Variants in BAP1 observed in about 807,000 individuals in gnomAD.
The protein encoded by BAP1 is ubiquitin carboxyl-terminal hydrolase BAP1.
In BAP1, 16 loss-of-function variants were observed where a neutral mutation model predicts 77.2. The ratio of observed to expected loss-of-function variants is 0.21; its 90% CI spans 0.14 to 0.31. BAP1 has a LOEUF of 0.31. BAP1 is among the 10% of genes least tolerant of loss of function. The probability of loss-of-function intolerance (pLI) is 1.00; values close to 1 mark genes in which losing one functional copy is unlikely to be tolerated. For missense variants in BAP1, 699 were observed against 967.3 expected (o/e 0.72, Z 3.68); for synonymous variants, 362 against 385.2 (o/e 0.94, Z 0.71).
In BAP1 at chr3:52,402,937, G is replaced by A. The variant is rs1705014202; in HGVS notation, c.1891-66C>T. On this transcript the variant is annotated intron_variant, in intron 14 of 16. Coordinates refer to ENST00000460680, the MANE Select transcript of BAP1 (RefSeq NM_004656.4). This position sits in a 1 kb window ranked among gnomAD's most constrained non-coding sequence, Gnocchi z 5.3. ...AGCAACAAAGCCCCACGAGCAATAG[G>A]CAGCTAGAGGCAAGGATGAGCAGCG... 2 of 1,611,186 alleles carry A rather than the reference G, an allele frequency of 1.2e-6. No individual in the cohort carries two copies. The highest frequency in any genetic ancestry group is 1.7e-6 in the Non-Finnish European group (2 of 1,179,948).
chr3:52,406,709 C>A lies in BAP1; in HGVS notation c.659+120G>T, dbSNP rs1705169735. On this transcript the variant is annotated intron_variant, in intron 8 of 16. Transcript: ENST00000460680. This position sits in a 1 kb window ranked among gnomAD's most constrained non-coding sequence, Gnocchi z 4.6. ...ACAAGTTGAGAACCCATGATCTAAG[C>A]CTGATCTTGCCAGATTCACCATATG... The A allele has an allele frequency of 5.0e-6, 6 of 1,209,296 alleles. No homozygotes were observed. Among genetic ancestry groups the A allele is most frequent in the Non-Finnish European group, 7.1e-6 (6 of 841,886 alleles). 74.9% of individuals were successfully genotyped at this position (1,209,296 alleles called of 1,614,324 possible). A position where few individuals can be genotyped will look rare whatever the true frequency, so the allele number is the denominator to read the frequency against.
rs1705240167 is a variant in BAP1 at position 52,408,584 on chromosome 3, G to A, written c.145C>T (p.Leu49=). Residue 49 remains leucine, a synonymous_variant, in exon 4 of 17, where the codon CTG becomes TTG. Coordinates refer to ENST00000460680, the MANE Select transcript of BAP1 (RefSeq NM_004656.4). Reference sequence around the variant, plus strand: ...CGGCGCTCTTCGATCCATTTGAACAGGAAGATAAATCCATATACAGGGCTG... The same window carrying A: ...CGGCGCTCTTCGATCCATTTGAACAAGAAGATAAATCCATATACAGGGCTG... ...CQGPVYGFIF[L]FKWIEERRSR... 1.2e-6 allele frequency: 2 copies of A among 1,610,388 alleles called. No homozygotes were observed. Among genetic ancestry groups the A allele is most frequent in the Non-Finnish European group, 1.7e-6 (2 of 1,178,518 alleles).
rs1311259205 is a variant in BAP1, at chr3:52,406,793, C to T, written c.659+36G>A. ...TGTCCCTCCCAAAGTAGGTACAGCTCCAGAGAGTAGAACAGGGCAGGCACA... is the reference window on the plus strand; with the variant it reads ...TGTCCCTCCCAAAGTAGGTACAGCTTCAGAGAGTAGAACAGGGCAGGCACA... On this transcript the variant is annotated intron_variant, in intron 8 of 16. Coordinates refer to ENST00000460680, the MANE Select transcript of BAP1 (RefSeq NM_004656.4). This position sits in a 1 kb window ranked among gnomAD's most constrained non-coding sequence, Gnocchi z 4.6. 3 of 1,548,952 alleles carry T rather than the reference C, an allele frequency of 1.9e-6. No individual in the cohort carries two copies. Among genetic ancestry groups the T allele is most frequent in the Non-Finnish European group, 2.6e-6 (3 of 1,144,342 alleles).
rs369744075 is a variant in BAP1 at position 52,405,191 on chromosome 3, C to T, written c.1035G>A (p.Gly345=). 6.2e-7 allele frequency: 1 copy of T among 1,614,098 alleles called. No individual in the cohort carries two copies. The highest frequency in any genetic ancestry group is 1.1e-5 in the South Asian group (1 of 91,088). The stretch of plus-strand genomic sequence containing the variant: ...CAATGGGAGTGGGGTTGGGGTGAAC[C>T]CCATTGAGGCTGCTGCCTGGAGGCT... ...VVKPPGSSLN[G]VHPNPTPIVQ... The change falls in exon 11 of 17, where the codon GGG becomes GGA. Residue 345 remains glycine (G), a synonymous_variant. Transcript: ENST00000460680.
rs760860535 is a variant in BAP1 at position 52,405,244 on chromosome 3, G to A, written c.982C>T (p.Pro328Ser). The change falls in exon 11 of 17, where the codon CCT (proline) becomes TCT (serine). Residue 328 changes from proline (P) to serine (S), a missense_variant. Transcript: ENST00000460680. ...ACCACTAGCTTGGGTTTGTTGGGAG[G>A]GCTGTGGGATGGGGCTTGTGCGCAT... is the stretch of plus-strand genomic sequence containing the variant. The part of the protein sequence containing the change: ...GSCAQAPSHS[P>S]PNKPKLVVKP... The A allele has an allele frequency of 6.2e-7, 1 of 1,614,026 alleles. No homozygotes were observed. The highest frequency in any genetic ancestry group is 1.7e-5 in the Admixed American group (1 of 60,022).
At chr3:52,404,674 G>C in intron 11 of BAP1, 88 bp from the exon 12 acceptor site, 1 of 1,538,808 alleles carries the variant, frequency 6.5e-7, no homozygotes, top group Admixed American at 1.9e-5. Context: ...AAGCCAACAT[G>C]GTTTTCCAGA....
In BAP1 at chr3:52,402,242, AG is replaced by A; in HGVS notation, c.*45del. The A allele has an allele frequency of 6.3e-7, 1 of 1,589,192 alleles. No individual in the cohort carries two copies. The highest frequency in any genetic ancestry group is 1.3e-5 in the African/African-American group (1 of 74,922). Reference sequence around the variant, plus strand: ...AGTGGGGCAGGGAAGGACCCTGGTGAGGGCCACACGGCAAGAGTGGGCTGCA... The same window carrying A: ...AGTGGGGCAGGGAAGGACCCTGGTGAGGCCACACGGCAAGAGTGGGCTGCA... On this transcript the variant is annotated 3_prime_UTR_variant, in exon 17 of 17. Transcript: ENST00000460680. The surrounding 1 kb of genome is among the most constrained non-coding windows in gnomAD (Gnocchi z 5.3).
intron 4 of BAP1, 55 bp downstream of exon 4, chr3:52,408,419 A>G (rs2153228241): frequency 6.3e-7 from 1 of 1,595,324 alleles, no homozygotes; most frequent in Non-Finnish European, 8.5e-7. Flanking sequence ...TCCACTTCCC[A>G]AGCAAAAACA....
rs1403955209 is a variant in BAP1 at position 52,403,101 on chromosome 3, G to T, written c.1890+37C>A. ...AGGAGGAGCTCAGGCCTTACCCTCT[G>T]CCAGGATTAAAGGAGAAAACCACAA... On this transcript the variant is annotated intron_variant, in intron 14 of 16. Transcript: ENST00000460680. The surrounding 1 kb of genome is among the most constrained non-coding windows in gnomAD (Gnocchi z 4.0). 1 of 1,608,816 alleles carries T rather than the reference G, an allele frequency of 6.2e-7. No homozygotes were observed. The highest frequency in any genetic ancestry group is 1.3e-5 in the African/African-American group (1 of 75,048).
At position 52,405,844 on chromosome 3, in the gene BAP1, C is replaced by G. The variant is rs2153227250; in HGVS notation, c.852G>C (p.Glu284Asp). ...HKSQESQLPE[E>D]SKSASNKSPL... ...GGGACTTGTTGCTGGCTGACTTGGA[C>G]TCCTCAGGCAGCTGTGACTCTTGAG... Residue 284 changes from glutamate to aspartate, a missense_variant, in exon 10 of 17, where the codon GAG becomes GAC. Glu to Asp is a conservative substitution (Grantham distance 45, BLOSUM62 2). Transcript: ENST00000460680. The G allele has an allele frequency of 6.2e-7, 1 of 1,614,132 alleles. No individual in the cohort carries two copies. The highest frequency in any genetic ancestry group is 8.5e-7 in the Non-Finnish European group (1 of 1,180,048).
chr3:52,407,526 C>G (rs2153228020), intron 5 of BAP1, 66 bp from the exon 6 acceptor site: 2 of 1,605,652 alleles, frequency 1.2e-6, no homozygotes, highest in South Asian at 2.2e-5. Context: ...GGGTGGAAGG[C>G]AAAGCTTCAG....
In BAP1 at chr3:52,403,983, TC is replaced by T; in HGVS notation, c.1251-90del. 1 of 1,367,366 alleles carries T rather than the reference TC, an allele frequency of 7.3e-7. No homozygotes were observed. The allele number at this position is 1,367,366 out of a possible 1,614,324, so 84.7% of individuals were successfully genotyped here. On this transcript the variant is annotated intron_variant, in intron 12 of 16. Coordinates refer to ENST00000460680, the MANE Select transcript of BAP1 (RefSeq NM_004656.4). The surrounding 1 kb of genome is among the most constrained non-coding windows in gnomAD (Gnocchi z 4.0). ...AGAATGGCTTAAATACATCCCGACC[TC>T]CAGGGGCTGACCCTAAAACTCCTTA...
At position 52,407,313 on chromosome 3, in the gene BAP1, G is replaced by C. The variant is rs768015706; in HGVS notation, c.441C>G (p.Pro147=). ...LAKAHNSHAR[P]EPRHLPEKQN... is the part of the protein sequence containing the mutation. ...GCTTCTCAGGGAGGTGGCGTGGCTCGGGCCTGGGGAAAAACAGAGTCAGGG... is the reference window on the plus strand; with the variant it reads ...GCTTCTCAGGGAGGTGGCGTGGCTCCGGCCTGGGGAAAAACAGAGTCAGGG... Residue 147 remains proline (P), a synonymous_variant, in exon 7 of 17, where the codon CCC becomes CCG. Coordinates refer to ENST00000460680, the MANE Select transcript of BAP1 (RefSeq NM_004656.4). 1 of 1,613,990 alleles carries C rather than the reference G, an allele frequency of 6.2e-7. No individual in the cohort carries two copies. The highest frequency in any genetic ancestry group is 8.5e-7 in the Non-Finnish European group (1 of 1,180,024).
At chr3:52,408,453 A>G (rs767107819) in intron 4 of BAP1, 21 bp downstream of exon 4, 3 of 1,609,342 alleles carry the variant, frequency 1.9e-6, no homozygotes, top group Non-Finnish European at 2.5e-6. Flanking sequence ...CCCTCCAAAC[A>G]AAGCACAGAG....
In BAP1 at chr3:52,406,697, C is replaced by T; in HGVS notation, c.659+132G>A. On this transcript the variant is annotated intron_variant, in intron 8 of 16. Coordinates refer to ENST00000460680, the MANE Select transcript of BAP1 (RefSeq NM_004656.4). The surrounding 1 kb of genome is among the most constrained non-coding windows in gnomAD (Gnocchi z 4.6). Reference sequence around the variant, plus strand: ...GGAAATAAGACAACAAGTTGAGAACCCATGATCTAAGCCTGATCTTGCCAG... The same window carrying T: ...GGAAATAAGACAACAAGTTGAGAACTCATGATCTAAGCCTGATCTTGCCAG... 8.7e-7 allele frequency: 1 copy of T among 1,144,782 alleles called. No homozygotes were observed. The highest frequency in any genetic ancestry group is 1.3e-6 in the Non-Finnish European group (1 of 787,908). The allele number at this position is 1,144,782 out of a possible 1,614,324, so 70.9% of individuals were successfully genotyped here. A position where few individuals can be genotyped will look rare whatever the true frequency, so the allele number is the denominator to read the frequency against.
rs144881611 is a variant in BAP1, at chr3:52,402,644, C to T, written c.2014G>A (p.Asp672Asn). The change falls in exon 16 of 17, where the codon GAT (aspartate) becomes AAT (asparagine). Residue 672 changes from aspartate (D) to asparagine (N), a missense_variant. This residue lies in a region of BAP1 where 64 missense variants were observed against 112.1 expected (regional missense o/e 0.57). Coordinates refer to ENST00000460680, the MANE Select transcript of BAP1 (RefSeq NM_004656.4). The surrounding 1 kb of genome is among the most constrained non-coding windows in gnomAD (Gnocchi z 5.3). The stretch of plus-strand genomic sequence containing the variant: ...GAGATAAAGGTGCAGATGAACTCAT[C>T]GTAGTTGTGGGTCCTTCTCTGGTCA... ...IDDQRRTHNY[D>N]EFICTFISML... The T allele has an allele frequency of 4.3e-6, 7 of 1,614,084 alleles. No individual in the cohort carries two copies. Among genetic ancestry groups the T allele is most frequent in the South Asian group, 1.1e-5 (1 of 91,074 alleles).
intron 10 of BAP1, 195 bp from the exon 11 acceptor site, chr3:52,405,489 GAAGAAAAA>G: frequency 5.3e-5 from 3 of 56,716 alleles, no homozygotes; most frequent in Non-Finnish European, 9.5e-5. Flanking sequence ...AAAGAAGCAG[GAAGAAAAA>G]AAAAAAAAAA....
Position 52,403,800 on chromosome 3 carries a change from C to A in BAP1, c.1345G>T (p.Ala449Ser), listed in dbSNP as rs764734266. The A allele has an allele frequency of 1.9e-6, 3 of 1,614,090 alleles. No homozygotes were observed. The highest frequency in any genetic ancestry group is 2.5e-6 in the Non-Finnish European group (3 of 1,180,032). ...TTCTGGGACTCTTTGAGCTTCTCAG[C>A]CAAGACGTTGATGGTGTTGGGCTGC... Reference protein sequence around the residue: ...VLQPNTINVLAEKLKESQKDL... With the variant: ...VLQPNTINVLSEKLKESQKDL... The change falls in exon 13 of 17, where the codon GCT becomes TCT. Residue 449 changes from alanine to serine, a missense_variant. Physicochemically the swap from Ala to Ser is moderately conservative, Grantham distance 99. This residue lies in a region of BAP1 where 475 missense variants were observed against 532.4 expected (regional missense o/e 0.89). Transcript: ENST00000460680. The surrounding 1 kb of genome is among the most constrained non-coding windows in gnomAD (Gnocchi z 4.0).
At position 52,405,181 on chromosome 3, in the gene BAP1, T is replaced by C. The variant is rs765742255; in HGVS notation, c.1045A>G (p.Asn349Asp). The change falls in exon 11 of 17, where the codon AAC (asparagine) becomes GAC (aspartate). Residue 349 changes from asparagine (N) to aspartate (D), a missense_variant. Physicochemically the swap from Asn to Asp is conservative, Grantham distance 23. This residue lies in a region of BAP1 where 475 missense variants were observed against 532.4 expected (regional missense o/e 0.89). Coordinates refer to ENST00000460680, the MANE Select transcript of BAP1 (RefSeq NM_004656.4). ...PGSSLNGVHP[N>D]PTPIVQRLPA... ...AGCCGCTGGACAATGGGAGTGGGGT[T>C]GGGGTGAACCCCATTGAGGCTGCTG... 42 of 1,614,008 alleles carry C rather than the reference T, an allele frequency of 2.6e-5. No homozygotes were observed. The highest frequency in any genetic ancestry group is 3.3e-5 in the Non-Finnish European group (39 of 1,180,046).
Sources: gnomAD v4.1 joint callset for allele counts on GRCh38, gnomAD v4.1.1 for gene constraint, gnomAD v4.1.1 regional missense constraint, Gnocchi (gnomAD v3.1) non-coding constraint, MANE v1.5 for transcripts, NCBI Gene and HGNC (gene_info 2026-07-23, HGNC 2026-07-21) for gene names.